Variants in CNBD1 observed in about 807,000 individuals in gnomAD.
The protein encoded by CNBD1 is cyclic nucleotide-binding domain-containing protein 1.
A neutral mutation model predicts 54.4 loss-of-function variants in CNBD1; 71 were observed. That is an observed-to-expected ratio of 1.30 (90% CI 1.08 to 1.59). CNBD1 has a LOEUF of 1.59. Among genes scored for constraint, CNBD1 ranks in the 40% most tolerant of loss-of-function variants. The pLI, the probability that CNBD1 is intolerant of heterozygous loss-of-function variation, is 0.00. For missense variants in CNBD1, 659 were observed against 518.0 expected (o/e 1.27, Z -2.64); for synonymous variants, 182 against 170.7 (o/e 1.07, Z -0.51).
At chr8:87,058,007 A>G (rs1810459406) in intron 4 of CNBD1, among the ~76,000 whole-genome samples, 1 of 152,120 alleles carries the variant, frequency 6.6e-6, no homozygotes, top group African/African-American at 2.4e-5. Context: ...GTAAAACCAA[A>G]AGCAAATTAA....
rs144605060 is a variant in CNBD1 at position 87,176,724 on chromosome 8, G to A, written c.432-29269G>A. Among the ~76,000 whole-genome samples, 401 of 150,888 alleles carry A rather than the reference G, an allele frequency of 2.7e-3. 2 individuals carry two copies. The highest frequency in any genetic ancestry group is 9.1e-3 in the African/African-American group (374 of 41,138). ...CAGGCTGCTCAAACTCCCAACCACA[G>A]GTGATCTGCCCGCCTCAGCCTTCCA... On this transcript the variant is annotated intron_variant, in intron 4 of 10. Transcript: ENST00000518476.
intron 4 of CNBD1, among the ~76,000 whole-genome samples, chr8:87,113,045 C>T (rs1031055860): frequency 8.5e-5 from 13 of 152,196 alleles, no homozygotes; most frequent in African/African-American, 2.9e-4. Flanking sequence ...GTATAAATTG[C>T]ATCATAGAGA....
At chr8:87,322,729 G>A (rs1341049786) in intron 8 of CNBD1, among the ~76,000 whole-genome samples, 2 of 68,574 alleles carry the variant, frequency 2.9e-5, no homozygotes, top group African/African-American at 5.8e-5. Flanking sequence ...AGTAGGTTGC[G>A]AAAATTTTCT....
At chr8:87,142,671 A>G (rs1165005570) in intron 4 of CNBD1, among the ~76,000 whole-genome samples, 3 of 152,180 alleles carry the variant, frequency 2.0e-5, no homozygotes, top group Non-Finnish European at 4.4e-5. Flanking sequence ...TCATAATTAT[A>G]CAGAATTAAT....
intron 10 of CNBD1, among the ~76,000 whole-genome samples, chr8:87,379,068 G>T (rs1408699732): frequency 6.6e-6 from 1 of 150,912 alleles, no homozygotes; most frequent in African/African-American, 2.4e-5. Flanking sequence ...AGACAATGGG[G>T]TTTTCTAGAT....
chr8:86,909,833 G>A (rs757413611), intron 3 of CNBD1, among the ~76,000 whole-genome samples: 15 of 152,128 alleles, frequency 9.9e-5, no homozygotes, highest in Admixed American at 2.0e-4. Flanking sequence ...GAAATCTTCC[G>A]ATTTTGTGTT....
chr8:87,421,704 T>C (rs1242810734), intron 2 of CNBD1, among the ~76,000 whole-genome samples: 1 of 151,004 alleles, frequency 6.6e-6, no homozygotes, highest in Non-Finnish European at 1.5e-5. Context: ...TTCCAAGTCT[T>C]TGCTATTGTG....
At chr8:87,127,753 T>C (rs1480104842) in intron 4 of CNBD1, among the ~76,000 whole-genome samples, 2 of 152,114 alleles carry the variant, frequency 1.3e-5, no homozygotes, top group African/African-American at 4.8e-5. Flanking sequence ...ATACAATCTT[T>C]TATCATTAAG....
intron 4 of CNBD1, among the ~76,000 whole-genome samples, chr8:87,104,373 G>A (rs937466132): frequency 2.0e-5 from 3 of 152,184 alleles, no homozygotes; most frequent in African/African-American, 7.2e-5. Context: ...ATAAATAGAA[G>A]TAAAAGCAAC....
At chr8:87,105,383 A>G (rs1463221897) in intron 4 of CNBD1, among the ~76,000 whole-genome samples, 1 of 152,240 alleles carries the variant, frequency 6.6e-6, no homozygotes, top group African/African-American at 2.4e-5. Context: ...CAAAATATAG[A>G]AGACATGGAA....
At chr8:87,184,476 T>C (rs1269689644) in intron 4 of CNBD1, among the ~76,000 whole-genome samples, 1 of 152,126 alleles carries the variant, frequency 6.6e-6, no homozygotes, top group Admixed American at 6.5e-5. Context: ...CTCCAGCCTT[T>C]CCCACGCCAA....
Position 87,236,993 on chromosome 8 carries a change from A to G in CNBD1, c.652A>G (p.Ile218Val). The change falls in exon 6 of 11, where the codon ATT becomes GTT. Residue 218 changes from isoleucine to valine, a missense_variant. Transcript: ENST00000518476. ...RPQTNVYKNLIEGSDSPDSFI... is the reference protein window; with the variant it reads ...RPQTNVYKNLVEGSDSPDSFI... ...TCAAACAAACGTGTATAAAAATCTG[A>G]TTGAAGGAAGTGATTCACCAGACTC... 1.2e-6 allele frequency: 2 copies of G among 1,612,514 alleles called. No homozygotes were observed. The highest frequency in any genetic ancestry group is 2.2e-5 in the East Asian group (1 of 44,822).
chr8:87,083,553 G>C (rs1811038211), intron 4 of CNBD1, among the ~76,000 whole-genome samples: 1 of 147,170 alleles, frequency 6.8e-6, no homozygotes, highest in Non-Finnish European at 1.5e-5. Flanking sequence ...CTCTTCCCCT[G>C]CTTTTGACTT....
chr8:87,333,554 T>C (rs1238907379), intron 8 of CNBD1, among the ~76,000 whole-genome samples: 1 of 152,200 alleles, frequency 6.6e-6, no homozygotes, highest in East Asian at 1.9e-4. Context: ...GTTCCATCAA[T>C]ACCTAGTTTA....
At chr8:87,245,184 TAAA>T (rs1807779559) in intron 6 of CNBD1, among the ~76,000 whole-genome samples, 1 of 152,060 alleles carries the variant, frequency 6.6e-6, no homozygotes, top group South Asian at 2.1e-4. Context: ...CATCAAGAGT[TAAA>T]ATGTGTGCTG....
chr8:87,268,809 G>A (rs956307057), intron 6 of CNBD1, among the ~76,000 whole-genome samples: 1 of 151,828 alleles, frequency 6.6e-6, no homozygotes, highest in Admixed American at 6.6e-5. Context: ...TTGCATATAG[G>A]TTCTGGATAT....
chr8:87,134,594 CTTT>C (rs1167232265), intron 4 of CNBD1, among the ~76,000 whole-genome samples: 1 of 86,962 alleles, frequency 1.1e-5, no homozygotes, highest in African/African-American at 4.3e-5. Flanking sequence ...ATTAGATTAC[CTTT>C]TTTTTTTTTT....
intron 8 of CNBD1, among the ~76,000 whole-genome samples, chr8:87,312,995 A>C (rs1299928132): frequency 6.6e-6 from 1 of 152,112 alleles, no homozygotes; most frequent in Non-Finnish European, 1.5e-5. Context: ...ACATACTCTA[A>C]GTGTTTTGAA....
chr8:87,020,792 C>A (rs943471554), intron 4 of CNBD1, among the ~76,000 whole-genome samples: 10 of 152,166 alleles, frequency 6.6e-5, no homozygotes, highest in Non-Finnish European at 1.5e-4. Flanking sequence ...TGTTTTATTT[C>A]CTTCCTTCTC....
Sources: allele counts gnomAD v4.1 joint callset (sites outside exome capture counted in the v4.1 genomes callset), GRCh38; gene constraint gnomAD v4.1.1; transcripts MANE v1.5; gene names NCBI Gene and HGNC (gene_info 2026-07-23, HGNC 2026-07-21).